NFIB: variants seen among roughly 807,000 people sequenced by gnomAD.
NFIB encodes the protein nuclear factor I B.
In NFIB, 11 loss-of-function variants were observed where a neutral mutation model predicts 61.5. The observed-to-expected ratio is 0.18, with a 90% CI of 0.11 to 0.30. The LOEUF (loss-of-function observed/expected upper bound fraction) is 0.30. NFIB is among the 10% of genes least tolerant of loss of function. NFIB has a pLI of 1.00. For missense variants in NFIB, 471 were observed against 608.9 expected (o/e 0.77, Z 2.38); for synonymous variants, 260 against 216.5 (o/e 1.20, Z -1.76).
chr9:14,269,427 G>C lies in NFIB; in HGVS notation c.562+37562C>G, dbSNP rs116783483. On this transcript the variant is annotated intron_variant, in intron 2 of 10. Transcript: ENST00000380953. ...TTCAATACTTTCAGTACTGCTCCCC[G>C]ACCAGGATTTAGTTTGCCAAATTAC... Among the ~76,000 whole-genome samples the C allele has an allele frequency of 8.1e-3, 1,234 of 152,088 alleles. 17 individuals carry two copies. Among genetic ancestry groups the C allele is most frequent in the African/African-American group, 0.028 (1,151 of 41,484 alleles).
At chr9:14,510,807 C>A in the NFIB span, among the ~76,000 whole-genome samples, 29 of 152,058 alleles carry the variant, frequency 1.9e-4, no homozygotes, top group Non-Finnish European at 3.7e-4. Context: ...ACCTTTTCAG[C>A]CTTCATTTCT....
intron 1 of NFIB, among the ~76,000 whole-genome samples, chr9:14,334,392 A>G (rs1283052444): frequency 3.3e-5 from 5 of 152,216 alleles, no homozygotes; most frequent in South Asian, 2.1e-4. Flanking sequence ...AACGTATAGC[A>G]ATATTTCCAT....
the NFIB span, among the ~76,000 whole-genome samples, chr9:14,407,384 T>A: frequency 6.6e-6 from 1 of 152,152 alleles, no homozygotes; most frequent in Non-Finnish European, 1.5e-5. Context: ...AGCATTGTCT[T>A]AAGGAAAATC....
chr9:14,417,400 T>C, the NFIB span, among the ~76,000 whole-genome samples: 1 of 152,200 alleles, frequency 6.6e-6, no homozygotes, highest in Non-Finnish European at 1.5e-5. Flanking sequence ...GCACACTGTA[T>C]GAAGTTCACA....
At chr9:14,403,332 A>G (rs970235095), upstream of NFIB, among the ~76,000 whole-genome samples, 17 of 152,240 alleles carry the variant, frequency 1.1e-4, no homozygotes, top group African/African-American at 4.1e-4. Context: ...AAGGCAGGGC[A>G]TCTGTGCCAG....
intron 2 of NFIB, among the ~76,000 whole-genome samples, chr9:14,212,868 G>T (rs913402473): frequency 1.3e-5 from 2 of 152,122 alleles, no homozygotes; most frequent in Non-Finnish European, 2.9e-5. Flanking sequence ...GGAAATTGAG[G>T]CTCACAGAGA....
At chr9:14,146,319 A>C (rs932302678) in intron 6 of NFIB, among the ~76,000 whole-genome samples, 1 of 152,150 alleles carries the variant, frequency 6.6e-6, no homozygotes, top group South Asian at 2.1e-4. Context: ...CAAACTGCTT[A>C]AAGTTTGGCT....
chr9:14,246,017 G>A (rs753766861), intron 2 of NFIB, among the ~76,000 whole-genome samples: 5 of 151,918 alleles, frequency 3.3e-5, no homozygotes, highest in Non-Finnish European at 5.9e-5. Flanking sequence ...GAACAGGAAT[G>A]TGTGGTTGCA....
At chr9:14,391,412 CTAAAT>C (rs2061620430) in intron 1 of NFIB, among the ~76,000 whole-genome samples, 1 of 150,252 alleles carries the variant, frequency 6.7e-6, no homozygotes, top group Admixed American at 6.7e-5. Context: ...AACTGTCTCT[CTAAAT>C]TAATAGTTGG....
intron 1 of NFIB, among the ~76,000 whole-genome samples, chr9:14,321,592 T>G (rs146983641): frequency 7.8e-4 from 119 of 152,248 alleles, no homozygotes; most frequent in Non-Finnish European, 1.1e-3. Flanking sequence ...AACAGTAATT[T>G]TTTTCCACCA....
chr9:14,450,313 C>G, the NFIB span, among the ~76,000 whole-genome samples: 8 of 151,970 alleles, frequency 5.3e-5, no homozygotes, highest in Non-Finnish European at 1.2e-4. Flanking sequence ...ACATCTATAC[C>G]CACTCAACCT....
At chr9:14,233,498 G>A (rs1193612194) in intron 2 of NFIB, among the ~76,000 whole-genome samples, 2 of 149,034 alleles carry the variant, frequency 1.3e-5, no homozygotes, top group African/African-American at 2.5e-5. Context: ...TGCGATCTCG[G>A]CTCACTGCAA....
rs191728475 is a variant in NFIB at position 14,232,750 on chromosome 9, A to G, written c.563-52970T>C. On this transcript the variant is annotated intron_variant, in intron 2 of 10. Coordinates refer to ENST00000380953, the MANE Select transcript of NFIB (RefSeq NM_001190737.2). Reference sequence around the variant, plus strand: ...TTTTTCTATGACTCTTAAGTGATTTACAGAATCCTAAAGTGTAGCAAGTTC... The same window carrying G: ...TTTTTCTATGACTCTTAAGTGATTTGCAGAATCCTAAAGTGTAGCAAGTTC... Among the ~76,000 whole-genome samples, 244 of 152,334 alleles carry G rather than the reference A, an allele frequency of 1.6e-3. 1 individual carries two copies. Among genetic ancestry groups the G allele is most frequent in the African/African-American group, 5.6e-3 (232 of 41,580 alleles).
the NFIB span, among the ~76,000 whole-genome samples, chr9:14,421,781 AT>A: frequency 6.6e-6 from 1 of 152,242 alleles, no homozygotes; most frequent in Non-Finnish European, 1.5e-5. Context: ...ATGAAAGTGC[AT>A]ATTCTTTGTA....
upstream of NFIB, among the ~76,000 whole-genome samples, chr9:14,318,202 A>G (rs1052243872): frequency 8.0e-5 from 12 of 149,568 alleles, 2 homozygotes; most frequent in Admixed American, 4.0e-4. Context: ...CTTATAAGGG[A>G]AAAAAAAAAG....
chr9:14,274,876 C>T (rs1227955139), intron 2 of NFIB, among the ~76,000 whole-genome samples: 1 of 152,158 alleles, frequency 6.6e-6, no homozygotes, highest in Admixed American at 6.5e-5. Flanking sequence ...GTTCTGTTTG[C>T]CAGTTAGCTA....
At chr9:14,410,215 T>C in the NFIB span, among the ~76,000 whole-genome samples, 1 of 152,030 alleles carries the variant, frequency 6.6e-6, no homozygotes. Context: ...AAAAAAAACT[T>C]TTCCAAAAAA....
chr9:14,527,881 A>G, the NFIB span, among the ~76,000 whole-genome samples: 1 of 152,164 alleles, frequency 6.6e-6, no homozygotes, highest in Non-Finnish European at 1.5e-5. Context: ...TTTGATTTTC[A>G]GATATATCTT....
chr9:14,091,322 A>C (rs1304244958), intron 10 of NFIB, among the ~76,000 whole-genome samples: 1 of 152,016 alleles, frequency 6.6e-6, no homozygotes, highest in Non-Finnish European at 1.5e-5. Context: ...TATTTAATTA[A>C]AGTAATACAG....
Sources: allele counts gnomAD v4.1 joint callset (sites outside exome capture counted in the v4.1 genomes callset), GRCh38; gene constraint gnomAD v4.1.1; transcripts MANE v1.5; gene names NCBI Gene and HGNC (gene_info 2026-07-23, HGNC 2026-07-21).